ATG5: variants seen among roughly 807,000 people sequenced by gnomAD.
ATG5 encodes the protein autophagy related 5.
A neutral mutation model predicts 36.5 loss-of-function variants in ATG5; 14 were observed. The ratio of observed to expected loss-of-function variants is 0.38; its 90% CI spans 0.25 to 0.60. The LOEUF (loss-of-function observed/expected upper bound fraction) is 0.60. Ranked by LOEUF, ATG5 falls within the 20% of genes least tolerant of loss-of-function variation. The pLI is 0.60. For missense variants in ATG5, 195 were observed against 326.7 expected (o/e 0.60, Z 3.11); for synonymous variants, 95 against 101.5 (o/e 0.94, Z 0.38).
intron 5 of ATG5, among the ~76,000 whole-genome samples, chr6:106,257,996 A>G (rs1778863274): frequency 6.6e-6 from 1 of 152,218 alleles, no homozygotes; most frequent in African/African-American, 2.4e-5. Context: ...AAATAAAACA[A>G]GTACACAAGA....
At chr6:106,222,628 G>T (rs1343727622) in intron 6 of ATG5, among the ~76,000 whole-genome samples, 2 of 152,180 alleles carry the variant, frequency 1.3e-5, no homozygotes, top group Non-Finnish European at 2.9e-5. Context: ...AGTTATGACA[G>T]AAGAGGCATA....
In ATG5 at chr6:106,279,656, C is replaced by T. The variant is rs1291748416; in HGVS notation, c.478+5G>A. ...TATTCTAAAATTAAACACTATTATACTTACCATTTTGCAATCCCATCCAGA... is the reference window on the plus strand; with the variant it reads ...TATTCTAAAATTAAACACTATTATATTTACCATTTTGCAATCCCATCCAGA... On this transcript the variant is annotated splice_donor_5th_base_variant and intron_variant, in intron 5 of 7. Transcript: ENST00000369076. 1.9e-6 allele frequency: 3 copies of T among 1,582,062 alleles called. No individual in the cohort carries two copies. The Admixed American group carries it at 5.3e-5, about 28-fold the overall frequency.
intron 6 of ATG5, among the ~76,000 whole-genome samples, chr6:106,232,089 C>G (rs1047617443): frequency 2.0e-5 from 3 of 152,198 alleles, no homozygotes; most frequent in African/African-American, 7.2e-5. Flanking sequence ...AGCCACTAAC[C>G]AGATGATCCA....
chr6:106,194,265 C>A (rs1357945217), intron 7 of ATG5, among the ~76,000 whole-genome samples: 1 of 151,984 alleles, frequency 6.6e-6, no homozygotes, highest in Non-Finnish European at 1.5e-5. Context: ...AACTGAGTGC[C>A]TATTCTTCCG....
At chr6:106,305,084 T>G (rs1770387930) in intron 3 of ATG5, among the ~76,000 whole-genome samples, 1 of 129,128 alleles carries the variant, frequency 7.7e-6, no homozygotes, top group African/African-American at 3.2e-5. Context: ...AGAGCAAAAC[T>G]CCGTCTCAAA....
intron 1 of ATG5, among the ~76,000 whole-genome samples, chr6:106,319,294 A>G (rs1278808542): frequency 6.6e-6 from 1 of 152,182 alleles, no homozygotes; most frequent in East Asian, 1.9e-4. Flanking sequence ...ACTAATAATA[A>G]TCAAAAGCAT....
chr6:106,236,837 A>G (rs1268232366), intron 6 of ATG5, among the ~76,000 whole-genome samples: 2 of 152,222 alleles, frequency 1.3e-5, no homozygotes, highest in Non-Finnish European at 2.9e-5. Context: ...AAGCAAACAC[A>G]GTGCTTATTT....
intron 5 of ATG5, among the ~76,000 whole-genome samples, chr6:106,248,593 T>C (rs1562235820): frequency 6.6e-6 from 1 of 152,200 alleles, no homozygotes; most frequent in Admixed American, 6.5e-5. Flanking sequence ...ATTGCTGAGC[T>C]ACAAAGGTAC....
intron 5 of ATG5, among the ~76,000 whole-genome samples, chr6:106,275,304 G>A (rs1054588309): frequency 5.9e-5 from 9 of 152,082 alleles, no homozygotes; most frequent in East Asian, 1.9e-4. Context: ...AAAGATTTCC[G>A]AAATGAATAT....
chr6:106,185,290 A>G lies in ATG5; in HGVS notation c.*1250T>C, dbSNP rs1435585621. On this transcript the variant is annotated 3_prime_UTR_variant, in exon 8 of 8. Transcript: ENST00000369076. ...ATTCATTTTTATTATGGGATCTAAA[A>G]CCATGATCGTGTCTGATACTGTAAG... 1 of 152,702 alleles carries G rather than the reference A, an allele frequency of 6.5e-6. No individual in the cohort carries two copies. The highest frequency in any genetic ancestry group is 1.5e-5 in the Non-Finnish European group (1 of 68,018). 9.5% of individuals were successfully genotyped at this position (152,702 alleles called of 1,614,324 possible). A position where few individuals can be genotyped will look rare whatever the true frequency, so the allele number is the denominator to read the frequency against.
intron 5 of ATG5, among the ~76,000 whole-genome samples, chr6:106,254,240 T>C (rs73778105): frequency 0.025 from 3,744 of 152,278 alleles, 59 homozygotes; most frequent in African/African-American, 0.049. Context: ...GGTAAGACAG[T>C]CCCACTTTCC....
chr6:106,268,557 C>T (rs1269054976), intron 5 of ATG5, among the ~76,000 whole-genome samples: 1 of 152,144 alleles, frequency 6.6e-6, no homozygotes, highest in Non-Finnish European at 1.5e-5. Context: ...AATCATTCTA[C>T]TATAAAGACA....
intron 5 of ATG5, among the ~76,000 whole-genome samples, chr6:106,273,828 C>T (rs1006509324): frequency 5.3e-5 from 8 of 152,120 alleles, no homozygotes; most frequent in Non-Finnish European, 1.0e-4. Flanking sequence ...AGAGCTGGAA[C>T]GGCTGCATTT....
intron 6 of ATG5, among the ~76,000 whole-genome samples, chr6:106,219,482 T>C (rs763487492): frequency 6.6e-6 from 1 of 152,168 alleles, no homozygotes; most frequent in East Asian, 1.9e-4. Context: ...GTACCAAACA[T>C]GTACAGGCTT....
intron 6 of ATG5, among the ~76,000 whole-genome samples, chr6:106,229,397 T>TGAGAGACAGACAGAGACAGAGAGAGA (rs2114456165): frequency 6.7e-6 from 1 of 148,706 alleles, no homozygotes; most frequent in African/African-American, 2.5e-5. Context: ...AAAGAGACAG[T>TGAGAGACAGACAGAGACAGAGAGAGA]GAGAGACAGA....
At chr6:106,271,773 G>A (rs970326214) in intron 5 of ATG5, 1 of 150,464 alleles carries the variant, frequency 6.6e-6, no homozygotes, top group Non-Finnish European at 1.5e-5. Flanking sequence ...TGCCATTTTT[G>A]CTACACAGAA....
rs1778073805 is a variant in ATG5, at chr6:106,240,393, TA to T, written c.573+7756del. 8.2e-5 allele frequency among the ~76,000 whole-genome samples: 12 copies of T among 146,146 alleles called. No homozygotes were observed. The South Asian group carries it at 2.6e-3, about 32-fold the overall frequency. On this transcript the variant is annotated intron_variant, in intron 6 of 7. Transcript: ENST00000369076. ...ATATCTATAAAATTATTTTATAAAA[TA>T]AAAAGTTAAGAAGAAAAGATAGGCA...
intron 3 of ATG5, among the ~76,000 whole-genome samples, chr6:106,307,097 G>A (rs778180207): frequency 3.2e-4 from 48 of 152,154 alleles, no homozygotes; most frequent in Non-Finnish European, 6.9e-4. Context: ...TCATTCTTGG[G>A]ATCTCATCAG....
chr6:106,225,465 TAGAA>T (rs905513776), intron 6 of ATG5, among the ~76,000 whole-genome samples: 22 of 152,190 alleles, frequency 1.4e-4, no homozygotes, highest in Non-Finnish European at 3.1e-4. Flanking sequence ...TATAAATAAT[TAGAA>T]AGAATACATT....
Sources: gnomAD v4.1 joint callset for allele counts (sites outside exome capture counted in the v4.1 genomes callset) on GRCh38, gnomAD v4.1.1 for gene constraint, MANE v1.5 for transcripts, NCBI Gene and HGNC (gene_info 2026-07-23, HGNC 2026-07-21) for gene names.